The following KCNG3 variants were observed in gnomAD, a reference collection of about 807,000 sequenced individuals.
The protein encoded by KCNG3 is potassium voltage-gated channel modifier subfamily G member 3, also known as voltage-gated potassium channel regulatory subunit KCNG3.
KCNG3 carries 15 observed loss-of-function variants against 29.0 expected under a neutral mutation model. That is an observed-to-expected ratio of 0.52 (90% CI 0.35 to 0.80). The LOEUF is 0.80. Ranked by LOEUF, KCNG3 falls within the 30% of genes least tolerant of loss-of-function variation. KCNG3 has a pLI of 0.01. For missense variants in KCNG3, 512 were observed against 605.7 expected (o/e 0.85, Z 1.62); for synonymous variants, 322 against 248.9 (o/e 1.29, Z -2.76).
intron 1 of KCNG3, among the ~76,000 whole-genome samples, chr2:42,479,758 C>T (rs1228168800): frequency 6.6e-6 from 1 of 152,112 alleles, no homozygotes; most frequent in Non-Finnish European, 1.5e-5. Flanking sequence ...CGCCTGTAAT[C>T]CCAGCACTTT....
At chr2:42,440,607 G>A (rs1359621122), downstream of KCNG3, among the ~76,000 whole-genome samples, 1 of 151,986 alleles carries the variant, frequency 6.6e-6, no homozygotes, top group Non-Finnish European at 1.5e-5. Context: ...AGGACATCTG[G>A]ACAAAGGTTT....
chr2:42,405,102 T>G, the KCNG3 span, among the ~76,000 whole-genome samples: 1 of 152,256 alleles, frequency 6.6e-6, no homozygotes, highest in African/African-American at 2.4e-5. Flanking sequence ...AATGCAGTTT[T>G]CAGCTTTGTA....
chr2:42,447,211 GATGT>G (rs1672619920), intron 1 of KCNG3, among the ~76,000 whole-genome samples: 1 of 151,492 alleles, frequency 6.6e-6, no homozygotes, highest in Non-Finnish European at 1.5e-5. Context: ...AGAGCTATTT[GATGT>G]ATGTACAAAC....
At chr2:42,397,643 G>C in the KCNG3 span, among the ~76,000 whole-genome samples, 2 of 152,196 alleles carry the variant, frequency 1.3e-5, no homozygotes, top group African/African-American at 2.4e-5. Flanking sequence ...GCCTTTGCAT[G>C]GGATACTGAC....
At chr2:42,430,817 AC>A in the KCNG3 span, among the ~76,000 whole-genome samples, 1 of 151,966 alleles carries the variant, frequency 6.6e-6, no homozygotes. Context: ...AAAATAAAAG[AC>A]CGATTTTTAG....
chr2:42,462,093 A>G (rs2103691212), intron 1 of KCNG3, among the ~76,000 whole-genome samples: 1 of 152,338 alleles, frequency 6.6e-6, no homozygotes, highest in African/African-American at 2.4e-5. Flanking sequence ...TTAAACTGCT[A>G]AAAAATAAAT....
intron 1 of KCNG3, chr2:42,463,412 T>C (rs978577389): frequency 1.9e-5 from 3 of 161,134 alleles, no homozygotes; most frequent in Non-Finnish European, 4.1e-5. Context: ...CAACTTCTTA[T>C]TCACCTCTGG....
chr2:42,425,451 G>A, the KCNG3 span, among the ~76,000 whole-genome samples: 3 of 152,002 alleles, frequency 2.0e-5, no homozygotes, highest in East Asian at 5.8e-4. Context: ...CAGGAAGTGG[G>A]GATGCGGGGT....
the KCNG3 span, among the ~76,000 whole-genome samples, chr2:42,434,410 G>T: frequency 7.7e-6 from 1 of 129,776 alleles, no homozygotes; most frequent in Non-Finnish European, 1.6e-5. Flanking sequence ...AATGAGGAGT[G>T]ATCAGAGCAC....
the KCNG3 span, among the ~76,000 whole-genome samples, chr2:42,423,029 C>A: frequency 1.3e-5 from 2 of 152,156 alleles, no homozygotes; most frequent in Non-Finnish European, 2.9e-5. Flanking sequence ...TTCCATCTTA[C>A]AAGCCAAGGA....
In KCNG3 at chr2:42,446,106, G is replaced by C. The variant is rs375267581; in HGVS notation, c.666-1527C>G. Among the ~76,000 whole-genome samples the C allele has an allele frequency of 5.1e-4, 78 of 152,138 alleles. 3 individuals are homozygous for C. In the South Asian group the frequency reaches 0.012, roughly 23 times the overall value. ...CTCAGCCCATAAACCCCAAAGCTGA[G>C]AAAATCAAATTTCAACACCTCTGGC... is the stretch of plus-strand genomic sequence containing the variant. On this transcript the variant is annotated intron_variant, in intron 1 of 1. Coordinates refer to ENST00000306078, the MANE Select transcript of KCNG3 (RefSeq NM_133329.6).
rs527713762 is a variant in KCNG3, at chr2:42,493,067, G to C, written c.435C>G (p.Ala145=). The C allele has an allele frequency of 8.5e-6, 13 of 1,538,116 alleles. No homozygotes were observed. Among genetic ancestry groups the C allele is most frequent in the South Asian group, 6.0e-5 (5 of 83,598 alleles). The change falls in exon 1 of 2, where the codon GCC becomes GCG. Residue 145 remains alanine (A), a synonymous_variant. Coordinates refer to ENST00000306078, the MANE Select transcript of KCNG3 (RefSeq NM_133329.6). ...LGRDEARPGG[A]EAAPSRRWLE... ...GCCAGCGCCTGGAGGGAGCCGCCTCGGCCCCGCCGGGGCGCGCCTCGTCGC... is the reference window on the plus strand; with the variant it reads ...GCCAGCGCCTGGAGGGAGCCGCCTCCGCCCCGCCGGGGCGCGCCTCGTCGC...
At chr2:42,423,763 T>C in the KCNG3 span, among the ~76,000 whole-genome samples, 3 of 146,716 alleles carry the variant, frequency 2.0e-5, no homozygotes, top group African/African-American at 7.7e-5. Context: ...ACCTTCCACA[T>C]ATGTGGCTAG....
the KCNG3 span, among the ~76,000 whole-genome samples, chr2:42,425,671 T>C: frequency 6.6e-6 from 1 of 152,164 alleles, no homozygotes; most frequent in Non-Finnish European, 1.5e-5. Context: ...CCCATCATCA[T>C]GACCTGGAAA....
chr2:42,452,245 T>TA (rs1558376128), intron 1 of KCNG3, among the ~76,000 whole-genome samples: 2,292 of 47,138 alleles, frequency 0.049, 18 homozygotes, highest in African/African-American at 0.068. Flanking sequence ...ATATATATAT[T>TA]TTTTTTTTTT....
chr2:42,475,872 G>C (rs1238983930), intron 1 of KCNG3, among the ~76,000 whole-genome samples: 1 of 152,016 alleles, frequency 6.6e-6, no homozygotes, highest in Non-Finnish European at 1.5e-5. Context: ...TCTGAGACTA[G>C]CCTGACCAAC....
intron 1 of KCNG3, among the ~76,000 whole-genome samples, chr2:42,462,710 A>G (rs1233224394): frequency 6.6e-6 from 1 of 152,136 alleles, no homozygotes; most frequent in East Asian, 1.9e-4. Flanking sequence ...AATAAAAATT[A>G]AAAAGTCTTT....
chr2:42,399,380 T>C, the KCNG3 span, among the ~76,000 whole-genome samples: 1 of 152,076 alleles, frequency 6.6e-6, no homozygotes, highest in African/African-American at 2.4e-5. Context: ...TTTTTATTTG[T>C]GGAAGTTCTC....
intron 1 of KCNG3, among the ~76,000 whole-genome samples, chr2:42,484,915 T>C (rs2103735284): frequency 6.6e-6 from 1 of 152,298 alleles, no homozygotes; most frequent in East Asian, 1.9e-4. Flanking sequence ...CTATCAGAGA[T>C]CTAGTAATTA....
Sources: allele counts gnomAD v4.1 joint callset (sites outside exome capture counted in the v4.1 genomes callset), GRCh38; gene constraint gnomAD v4.1.1; transcripts MANE v1.5; gene names NCBI Gene and HGNC (gene_info 2026-07-23, HGNC 2026-07-21).